The following DIP2B variants were observed in gnomAD, a reference collection of about 807,000 sequenced individuals.
DIP2B encodes the protein disco-interacting protein 2 homolog B.
A neutral mutation model predicts 198.0 loss-of-function variants in DIP2B; 76 were observed. The ratio of observed to expected loss-of-function variants is 0.38; its 90% CI spans 0.32 to 0.46. The LOEUF (loss-of-function observed/expected upper bound fraction) is 0.46. Ranked by LOEUF, DIP2B falls within the 20% of genes least tolerant of loss-of-function variation. The pLI, the probability that DIP2B is intolerant of heterozygous loss-of-function variation, is 0.99. For synonymous variants in DIP2B, 701 were observed against 739.1 expected (o/e 0.95, Z 0.84); for missense variants, 1,559 against 1,978.4 (o/e 0.79, Z 4.02).
intron 12 of DIP2B, among the ~76,000 whole-genome samples, chr12:50,687,784 C>A (rs911059536): frequency 6.6e-6 from 1 of 151,508 alleles, no homozygotes; most frequent in African/African-American, 2.4e-5. Context: ...CTAATGCATG[C>A]GGGGCTTAAA....
At chr12:50,594,587 C>G (rs1414682727) in intron 1 of DIP2B, among the ~76,000 whole-genome samples, 1 of 151,940 alleles carries the variant, frequency 6.6e-6, no homozygotes, top group African/African-American at 2.4e-5. Context: ...CGTGTATTAC[C>G]TCATATGATA....
intron 1 of DIP2B, among the ~76,000 whole-genome samples, chr12:50,614,306 C>G (rs892602451): frequency 1.3e-5 from 2 of 152,128 alleles, no homozygotes; most frequent in African/African-American, 4.8e-5. Flanking sequence ...CCTGGTCTCC[C>G]CACTGTGTGT....
intron 6 of DIP2B, 57 bp from the exon 7 acceptor site, chr12:50,675,272 G>T: frequency 6.3e-7 from 1 of 1,582,474 alleles, no homozygotes; most frequent in Non-Finnish European, 8.6e-7. Context: ...GGGAACTGAG[G>T]AACTAAAATA....
chr12:50,515,653 A>T (rs2139345008), intron 1 of DIP2B, among the ~76,000 whole-genome samples: 1 of 152,058 alleles, frequency 6.6e-6, no homozygotes, highest in Non-Finnish European at 1.5e-5. Context: ...CTTTCTCCTG[A>T]TGAGGGTATT....
chr12:50,588,870 C>T (rs1253294813), intron 1 of DIP2B, among the ~76,000 whole-genome samples: 2 of 152,126 alleles, frequency 1.3e-5, no homozygotes, highest in Admixed American at 6.5e-5. Context: ...TTGAATGAGA[C>T]GATTGCTGTC....
rs1333781778 is a variant in DIP2B at position 50,638,410 on chromosome 12, C to T, written c.173-2314C>T. 4.6e-5 allele frequency among the ~76,000 whole-genome samples: 7 copies of T among 152,164 alleles called. No individual in the cohort carries two copies. The South Asian group carries it at 8.3e-4, about 18-fold the overall frequency. Reference sequence around the variant, plus strand: ...ATTGTATATAAATAGTTTTTACATACAGTTATAATTATATTGTGTACATAA... The same window carrying T: ...ATTGTATATAAATAGTTTTTACATATAGTTATAATTATATTGTGTACATAA... On this transcript the variant is annotated intron_variant, in intron 2 of 37. Transcript: ENST00000301180.
At chr12:50,542,001 A>G (rs1413715442) in intron 1 of DIP2B, among the ~76,000 whole-genome samples, 1 of 150,222 alleles carries the variant, frequency 6.7e-6, no homozygotes, top group Non-Finnish European at 1.5e-5. Context: ...CTGTCTCAAA[A>G]AAAAAAAGAG....
chr12:50,534,695 G>A (rs527402656), intron 1 of DIP2B, among the ~76,000 whole-genome samples: 48 of 152,274 alleles, frequency 3.2e-4, no homozygotes, highest in African/African-American at 1.1e-3. Flanking sequence ...CAACTGGACA[G>A]CATTCTGAGA....
intron 1 of DIP2B, among the ~76,000 whole-genome samples, chr12:50,596,396 C>A (rs1958879009): frequency 6.6e-6 from 1 of 152,126 alleles, no homozygotes; most frequent in Non-Finnish European, 1.5e-5. Flanking sequence ...ATATCCATAG[C>A]CAGTCTGGGC....
chr12:50,699,954 T>G (rs1156726655), intron 19 of DIP2B, among the ~76,000 whole-genome samples: 1 of 151,780 alleles, frequency 6.6e-6, no homozygotes, highest in Non-Finnish European at 1.5e-5. Context: ...TTTGCCATGG[T>G]TTGAGCTTTG....
At chr12:50,734,074 T>A (rs1940095657) in intron 32 of DIP2B, 61 bp from the exon 33 acceptor site, 2 of 1,582,404 alleles carry the variant, frequency 1.3e-6, no homozygotes, top group Non-Finnish European at 1.7e-6. Flanking sequence ...TTTCTTGGTT[T>A]GAAAATGTGA....
intron 1 of DIP2B, among the ~76,000 whole-genome samples, chr12:50,521,805 T>C (rs1041468938): frequency 6.6e-6 from 1 of 151,468 alleles, no homozygotes; most frequent in Non-Finnish European, 1.5e-5. Context: ...TCACTGTGCC[T>C]GGCTTAATTT....
At chr12:50,653,185 A>G (rs1230447316) in intron 3 of DIP2B, among the ~76,000 whole-genome samples, 12 of 151,696 alleles carry the variant, frequency 7.9e-5, no homozygotes, top group East Asian at 7.7e-4. Flanking sequence ...TACTGATTCA[A>G]TCTCCTTACT....
rs757297366 is a variant in DIP2B at position 50,680,731 on chromosome 12, A to G, written c.1174A>G (p.Lys392Glu). ...CACACTTCTTAATAAACTGGGGACCAAAAATGAACCTGTGTTAAAACCTGG... is the reference window on the plus strand; with the variant it reads ...CACACTTCTTAATAAACTGGGGACCGAAAATGAACCTGTGTTAAAACCTGG... ...AYTLLNKLGT[K>E]NEPVLKPGDR... is the part of the protein sequence containing the mutation. Residue 392 changes from lysine (K) to glutamate (E), a missense_variant, in exon 9 of 38, where the codon AAA becomes GAA. Lys to Glu is a moderately conservative substitution (Grantham distance 56). Coordinates refer to ENST00000301180, the MANE Select transcript of DIP2B (RefSeq NM_173602.3). The G allele has an allele frequency of 1.9e-6, 3 of 1,613,902 alleles. No homozygotes were observed. The highest frequency in any genetic ancestry group is 2.5e-6 in the Non-Finnish European group (3 of 1,179,886).
At chr12:50,678,229 A>G (rs903758388) in intron 7 of DIP2B, among the ~76,000 whole-genome samples, 2 of 151,860 alleles carry the variant, frequency 1.3e-5, no homozygotes, top group African/African-American at 2.4e-5. Context: ...AGGTAAATCA[A>G]TTGGCCTAAG....
chr12:50,739,481 C>A lies in DIP2B; in HGVS notation c.4249C>A (p.His1417Asn), dbSNP rs1940200667. ...TGATAGCGAGACTCTTCAAGCTGAT[C>A]ATTTCAACACTCGCCTCAGCTTTGG... ...IYDSETLQAD[H>N]FNTRLSFGDA... The change falls in exon 36 of 38, where the codon CAT (histidine) becomes AAT (asparagine). Residue 1417 changes from histidine (H) to asparagine (N), a missense_variant. Transcript: ENST00000301180. 3 of 1,614,200 alleles carry A rather than the reference C, an allele frequency of 1.9e-6. No homozygotes were observed. Among genetic ancestry groups the A allele is most frequent in the Non-Finnish European group, 2.5e-6 (3 of 1,180,026 alleles).
At chr12:50,683,990 G>C (rs978049299) in intron 10 of DIP2B, among the ~76,000 whole-genome samples, 26 of 152,172 alleles carry the variant, frequency 1.7e-4, no homozygotes, top group African/African-American at 6.0e-4. Flanking sequence ...GTGTGCACCT[G>C]TAGTCCCAGC....
rs144541875 is a variant in DIP2B at position 50,716,677 on chromosome 12, C to T, written c.2852-2032C>T. ...TTTGTCTCATCTGTTTCAGTATATTCAGGATCAACAGATTTTGATAGAATA... is the reference window on the plus strand; with the variant it reads ...TTTGTCTCATCTGTTTCAGTATATTTAGGATCAACAGATTTTGATAGAATA... On this transcript the variant is annotated intron_variant, in intron 23 of 37. Transcript: ENST00000301180. Among the ~76,000 whole-genome samples, 699 of 152,284 alleles carry T rather than the reference C, an allele frequency of 4.6e-3. 8 individuals carry two copies. The highest frequency in any genetic ancestry group is 0.016 in the African/African-American group (660 of 41,564).
intron 1 of DIP2B, among the ~76,000 whole-genome samples, chr12:50,561,510 A>G (rs1176276965): frequency 6.6e-6 from 1 of 152,170 alleles, no homozygotes; most frequent in African/African-American, 2.4e-5. Context: ...TTAAAGTAGC[A>G]CATCCATAAA....
Sources: gnomAD v4.1 joint callset for allele counts (sites outside exome capture counted in the v4.1 genomes callset) on GRCh38, gnomAD v4.1.1 for gene constraint, MANE v1.5 for transcripts, NCBI Gene and HGNC (gene_info 2026-07-23, HGNC 2026-07-21) for gene names.